STK32B: variants seen among roughly 807,000 people sequenced by gnomAD.
The protein encoded by STK32B is serine/threonine kinase 32B.
Under a neutral mutation model 52.6 loss-of-function variants are expected in STK32B, and 43 were observed. The ratio of observed to expected loss-of-function variants is 0.82; its 90% CI spans 0.64 to 1.05. The LOEUF (loss-of-function observed/expected upper bound fraction) is 1.05, where lower values mean the gene tolerates loss of function less well. Ranked by LOEUF, STK32B falls within the 50% of genes least tolerant of loss-of-function variation. The pLI is 0.00. For missense variants in STK32B, 621 were observed against 534.6 expected (o/e 1.16, Z -1.59); for synonymous variants, 238 against 204.3 (o/e 1.17, Z -1.41).
intron 3 of STK32B, among the ~76,000 whole-genome samples, chr4:5,270,104 C>T (rs1367322589): frequency 1.3e-5 from 2 of 152,114 alleles, no homozygotes; most frequent in Non-Finnish European, 2.9e-5. Context: ...AAGGGATCTT[C>T]CTCAACCCAG....
chr4:5,330,249 A>G (rs1732141549), intron 3 of STK32B, among the ~76,000 whole-genome samples: 1 of 152,200 alleles, frequency 6.6e-6, no homozygotes, highest in Non-Finnish European at 1.5e-5. Context: ...TCTGTGATTA[A>G]TATTACATGA....
chr4:5,279,086 T>C (rs1287570450), intron 3 of STK32B, among the ~76,000 whole-genome samples: 1 of 152,180 alleles, frequency 6.6e-6, no homozygotes, highest in Admixed American at 6.5e-5. Flanking sequence ...CCTTCTCACA[T>C]TTCAAAACCA....
chr4:5,139,805 G>T (rs1716293695), intron 1 of STK32B, 100 bp from the exon 2 acceptor site: 7 of 1,374,120 alleles, frequency 5.1e-6, no homozygotes, highest in Non-Finnish European at 7.3e-6. Flanking sequence ...TGACCCAAGA[G>T]CCTTTGGAAT....
At chr4:5,278,085 A>T (rs566723032) in intron 3 of STK32B, among the ~76,000 whole-genome samples, 123 of 152,336 alleles carry the variant, frequency 8.1e-4, no homozygotes, top group Admixed American at 1.8e-3. Context: ...GACTCAGGTG[A>T]CTAATGACAG....
chr4:5,099,131 C>T (rs1253550064), intron 1 of STK32B, among the ~76,000 whole-genome samples: 1 of 152,164 alleles, frequency 6.6e-6, no homozygotes, highest in East Asian at 1.9e-4. Flanking sequence ...TTCCCTGGCT[C>T]ATGACCTCCT....
At chr4:5,338,063 A>G (rs1336616450) in intron 4 of STK32B, among the ~76,000 whole-genome samples, 1 of 152,202 alleles carries the variant, frequency 6.6e-6, no homozygotes, top group Non-Finnish European at 1.5e-5. Flanking sequence ...TATAACCTGG[A>G]ACAGATGAGT....
At chr4:5,357,775 A>G (rs1047652342) in intron 4 of STK32B, among the ~76,000 whole-genome samples, 1 of 133,520 alleles carries the variant, frequency 7.5e-6, no homozygotes, top group African/African-American at 3.1e-5. Flanking sequence ...GATAGTAATA[A>G]TTAGTAAACA....
At chr4:5,408,379 C>A (rs964260144) in intron 5 of STK32B, among the ~76,000 whole-genome samples, 2 of 152,048 alleles carry the variant, frequency 1.3e-5, no homozygotes, top group African/African-American at 4.8e-5. Flanking sequence ...CGTCTCTCTT[C>A]CTCCTGCTCC....
intron 1 of STK32B, among the ~76,000 whole-genome samples, chr4:5,100,958 G>C (rs1298255142): frequency 1.3e-5 from 2 of 151,512 alleles, no homozygotes; most frequent in East Asian, 3.9e-4. Context: ...GAGTGCAGTG[G>C]CACAATCATA....
intron 2 of STK32B, among the ~76,000 whole-genome samples, chr4:5,144,673 C>T (rs961226427): frequency 6.6e-6 from 1 of 152,156 alleles, no homozygotes; most frequent in South Asian, 2.1e-4. Context: ...TTAGCACTGA[C>T]ATTGTCTTTG....
intron 1 of STK32B, among the ~76,000 whole-genome samples, chr4:5,100,319 T>A (rs1254798453): frequency 1.5e-5 from 2 of 137,730 alleles, no homozygotes; most frequent in East Asian, 4.9e-4. Context: ...TACCCCTCCC[T>A]CCCTTCTCCC....
chr4:5,370,098 C>T (rs189540861), intron 4 of STK32B, among the ~76,000 whole-genome samples: 61 of 151,830 alleles, frequency 4.0e-4, no homozygotes, highest in Middle Eastern at 3.4e-3. Context: ...CTGTCTCGAA[C>T]TCCTGACCTC....
rs367845593 is a variant in STK32B at position 5,109,354 on chromosome 4, C to T, written c.53-30551C>T. Among the ~76,000 whole-genome samples, 20 of 152,314 alleles carry T rather than the reference C, an allele frequency of 1.3e-4. No homozygotes were observed. In the South Asian group the frequency reaches 3.9e-3, roughly 30 times the overall value. ...TATTTTATGATAGTCACAAAGGACA[C>T]ACACATGGACGAATGCTCTTGCTGA... is the stretch of plus-strand genomic sequence containing the variant. On this transcript the variant is annotated intron_variant, in intron 1 of 11. Transcript: ENST00000282908.
intron 2 of STK32B, among the ~76,000 whole-genome samples, chr4:5,164,785 CAA>C (rs1254119535): frequency 1.3e-5 from 2 of 152,222 alleles, no homozygotes; most frequent in African/African-American, 4.8e-5. Flanking sequence ...CCCCTGAGCT[CAA>C]ACTCTCTGTG....
At chr4:5,265,986 A>G (rs1560272358) in intron 3 of STK32B, among the ~76,000 whole-genome samples, 1 of 152,206 alleles carries the variant, frequency 6.6e-6, no homozygotes, top group Non-Finnish European at 1.5e-5. Context: ...TTTGTACATA[A>G]AAATTTTCAC....
In STK32B at chr4:5,278,998, C is replaced by A. The variant is rs114243077; in HGVS notation, c.261-52222C>A. Among the ~76,000 whole-genome samples the A allele has an allele frequency of 3.6e-3, 547 of 152,260 alleles. 2 individuals are homozygous for A. The highest frequency in any genetic ancestry group is 0.012 in the African/African-American group (492 of 41,552). On this transcript the variant is annotated intron_variant, in intron 3 of 11. Transcript: ENST00000282908. ...GTCCCTACCCCAACACTGACAATTA[C>A]AATTTGACATGAGATTTGGGTGGGG... is the stretch of plus-strand genomic sequence containing the variant.
At chr4:5,261,196 T>C (rs991689545) in intron 3 of STK32B, among the ~76,000 whole-genome samples, 1 of 152,154 alleles carries the variant, frequency 6.6e-6, no homozygotes, top group East Asian at 1.9e-4. Flanking sequence ...GCCCTGCTCA[T>C]GAAGGTGGCT....
chr4:5,116,944 A>G (rs532037321), intron 1 of STK32B, among the ~76,000 whole-genome samples: 1 of 152,242 alleles, frequency 6.6e-6, no homozygotes, highest in Admixed American at 6.5e-5. Flanking sequence ...TTTTTTGGAT[A>G]GTTCCTTGTT....
chr4:5,353,822 A>G (rs1734002479), intron 4 of STK32B, among the ~76,000 whole-genome samples: 1 of 152,192 alleles, frequency 6.6e-6, no homozygotes, highest in African/African-American at 2.4e-5. Context: ...TACCATGGAA[A>G]ACAGTATGGA....
Sources: allele counts gnomAD v4.1 joint callset (sites outside exome capture counted in the v4.1 genomes callset), GRCh38; gene constraint gnomAD v4.1.1; transcripts MANE v1.5; gene names NCBI Gene and HGNC (gene_info 2026-07-23, HGNC 2026-07-21).